Variants in FAM53C observed in about 807,000 individuals in gnomAD.
FAM53C encodes the protein family with sequence similarity 53 member C.
Under a neutral mutation model 34.7 loss-of-function variants are expected in FAM53C, and 10 were observed. The observed-to-expected ratio is 0.29, with a 90% CI of 0.18 to 0.49. The LOEUF is 0.49. Among genes scored for constraint, FAM53C ranks in the 20% least tolerant of loss-of-function variants. FAM53C has a pLI of 0.99. For synonymous variants in FAM53C, 203 were observed against 203.6 expected (o/e 1.00, Z 0.03); for missense variants, 442 against 515.3 (o/e 0.86, Z 1.38).
Position 138,348,585 on chromosome 5 carries a change from C to T in FAM53C, c.*1626C>T, listed in dbSNP as rs1290656370. ...TGTTTTCTTCCTCATGGAATTGAAC[C>T]TGACATTTTCTGGATCTCCTGCATG... On this transcript the variant is annotated 3_prime_UTR_variant, in exon 5 of 5. Coordinates refer to ENST00000239906, the MANE Select transcript of FAM53C (RefSeq NM_016605.3). The T allele has an allele frequency of 6.6e-6, 1 of 152,168 alleles. No individual in the cohort carries two copies. The highest frequency in any genetic ancestry group is 1.5e-5 in the Non-Finnish European group (1 of 68,012). The allele number at this position is 152,168 out of a possible 1,614,324, so 9.4% of individuals were successfully genotyped here. A position where few individuals can be genotyped will look rare whatever the true frequency, so the allele number is the denominator to read the frequency against.
In FAM53C at chr5:138,345,061, G is replaced by A; in HGVS notation, c.373G>A (p.Val125Met). ...KRHCRSLSVPVDLSRWQPVWR... is the reference protein window; with the variant it reads ...KRHCRSLSVPMDLSRWQPVWR... Reference sequence around the variant, plus strand: ...GCACTGCCGCTCACTCTCAGTGCCCGTGGACCTGTCTCGCTGGCAGCCGGT... The same window carrying A: ...GCACTGCCGCTCACTCTCAGTGCCCATGGACCTGTCTCGCTGGCAGCCGGT... Residue 125 changes from valine (V) to methionine (M), a missense_variant, in exon 4 of 5, where the codon GTG (valine) becomes ATG (methionine). By Grantham distance (21) the Val-to-Met change is conservative. Transcript: ENST00000239906. The surrounding 1 kb of genome is among the most constrained non-coding windows in gnomAD (Gnocchi z 6.3). The A allele has an allele frequency of 1.2e-6, 2 of 1,613,946 alleles. No individual in the cohort carries two copies. Among genetic ancestry groups the A allele is most frequent in the Non-Finnish European group, 1.7e-6 (2 of 1,179,886 alleles).
At position 138,349,650 on chromosome 5, in the gene FAM53C, G is replaced by C. The variant is rs766814356; in HGVS notation, c.*2691G>C. On this transcript the variant is annotated 3_prime_UTR_variant, in exon 5 of 5. Transcript: ENST00000239906. ...AAAAGAAAAATCCATAAGTCTGTGT[G>C]TGTTAAACATGAGGTTCTGCCTCTG... The C allele has an allele frequency of 3.9e-5, 6 of 152,334 alleles. No individual in the cohort carries two copies. Among genetic ancestry groups the C allele is most frequent in the Non-Finnish European group, 8.8e-5 (6 of 68,036 alleles). 9.4% of individuals were successfully genotyped at this position (152,334 alleles called of 1,614,324 possible).
At chr5:138,343,478 T>C (rs1761088124) in intron 3 of FAM53C, among the ~76,000 whole-genome samples, 1 of 148,228 alleles carries the variant, frequency 6.7e-6, no homozygotes, top group African/African-American at 2.5e-5. Context: ...CCCACTGCAC[T>C]CCAGCTTGGG....
rs1761193096 is a variant in FAM53C at position 138,346,856 on chromosome 5, A to T, written c.1076A>T (p.Glu359Val). The change falls in exon 5 of 5, where the codon GAG becomes GTG. Residue 359 changes from glutamate (E) to valine (V), a missense_variant. By Grantham distance (121) the Glu-to-Val change is moderately radical. Coordinates refer to ENST00000239906, the MANE Select transcript of FAM53C (RefSeq NM_016605.3). ...CAGGTGCTGAGTGAAAGCGAAGAGG[A>T]GGAGGAGGGGGCTGTGCGGTGGGGT... ...SSQVLSESEE[E>V]EEGAVRWGRQ... 6.2e-7 allele frequency: 1 copy of T among 1,614,076 alleles called. No individual in the cohort carries two copies. Among genetic ancestry groups the T allele is most frequent in the Non-Finnish European group, 8.5e-7 (1 of 1,180,012 alleles).
chr5:138,338,984 C>G (rs1032602057), intron 1 of FAM53C, among the ~76,000 whole-genome samples: 1 of 152,054 alleles, frequency 6.6e-6, no homozygotes, highest in Non-Finnish European at 1.5e-5. Flanking sequence ...TACTGCCATC[C>G]AATAGGAGAT....
chr5:138,341,286 G>A lies in FAM53C; in HGVS notation c.-50G>A, dbSNP rs753586502. On this transcript the variant is annotated 5_prime_UTR_variant, in exon 2 of 5. Coordinates refer to ENST00000239906, the MANE Select transcript of FAM53C (RefSeq NM_016605.3). ...TGAGGTCTGGAAGAACAACAGGGAA[G>A]ACATCCATCATTTGCTCCAAAGTGT... 1.4e-6 allele frequency: 2 copies of A among 1,473,998 alleles called. No individual in the cohort carries two copies. The highest frequency in any genetic ancestry group is 2.3e-5 in the South Asian group (2 of 88,276). The allele number at this position is 1,473,998 out of a possible 1,614,324, so 91.3% of individuals were successfully genotyped here.
chr5:138,347,054 T>C lies in FAM53C; in HGVS notation c.*95T>C. ...CAAGGCTGGGGGCCGAGCCTGGGAA[T>C]GGGGGTGAGTGGAGGGCTCCGACTC... On this transcript the variant is annotated 3_prime_UTR_variant, in exon 5 of 5. Coordinates refer to ENST00000239906, the MANE Select transcript of FAM53C (RefSeq NM_016605.3). 3 of 1,529,644 alleles carry C rather than the reference T, an allele frequency of 2.0e-6. No individual in the cohort carries two copies. Among genetic ancestry groups the C allele is most frequent in the Non-Finnish European group, 2.7e-6 (3 of 1,128,058 alleles). The allele number at this position is 1,529,644 out of a possible 1,614,324, so 94.8% of individuals were successfully genotyped here. A position where few individuals can be genotyped will look rare whatever the true frequency, so the allele number is the denominator to read the frequency against.
chr5:138,339,466 C>A (rs1389317607), intron 1 of FAM53C, among the ~76,000 whole-genome samples: 4 of 152,144 alleles, frequency 2.6e-5, no homozygotes, highest in African/African-American at 9.7e-5. Context: ...AACACAAATT[C>A]ACTGTCTTGA....
At chr5:138,338,893 C>T (rs529745180) in intron 1 of FAM53C, among the ~76,000 whole-genome samples, 1 of 152,244 alleles carries the variant, frequency 6.6e-6, no homozygotes, top group Non-Finnish European at 1.5e-5. Context: ...TTGTGACTCT[C>T]CTCCCTGTTG....
chr5:138,341,934 G>A, intron 3 of FAM53C, 68 bp downstream of exon 3: 1 of 1,522,418 alleles, frequency 6.6e-7, no homozygotes, highest in Non-Finnish European at 9.1e-7. Flanking sequence ...TCTATCATTG[G>A]TTTCCAGTGA....
chr5:138,338,255 A>C (rs1316777885), upstream of FAM53C: 24 of 1,107,274 alleles, frequency 2.2e-5, no homozygotes, highest in Non-Finnish European at 2.6e-5. Context: ...CGTGGGGCGA[A>C]CCGAGCGCTC....
chr5:138,338,608 G>C (rs1376262775), intron 1 of FAM53C, among the ~76,000 whole-genome samples: 1 of 148,186 alleles, frequency 6.7e-6, no homozygotes, highest in Non-Finnish European at 1.5e-5. Flanking sequence ...CCCGCCCCGG[G>C]GACCAGCGGA....
In FAM53C at chr5:138,344,858, C is replaced by T. The variant is rs182534639; in HGVS notation, c.170C>T (p.Ser57Phe). ...GASWRGLPHC[S>F]CAEFQDSLNF... ...TCCTGGAGGGGCCTGCCCCACTGTTCCTGTGCTGAGTTCCAGGACAGCCTC... is the reference window on the plus strand; with the variant it reads ...TCCTGGAGGGGCCTGCCCCACTGTTTCTGTGCTGAGTTCCAGGACAGCCTC... Residue 57 changes from serine (S) to phenylalanine (F), a missense_variant, in exon 4 of 5, where the codon TCC becomes TTC. Ser to Phe is a radical substitution (Grantham distance 155). Transcript: ENST00000239906. 4.4e-6 allele frequency: 7 copies of T among 1,597,286 alleles called. No homozygotes were observed. In the Admixed American group the frequency reaches 5.3e-5, roughly 12 times the overall value.
rs1580861364 is a variant in FAM53C, at chr5:138,347,128, G to A, written c.*169G>A. ...TCCAGCAAGCTCGACCATGCCAAGA[G>A]ACTGGCCGGGACAAGATAAACGGAG... is the stretch of plus-strand genomic sequence containing the variant. On this transcript the variant is annotated 3_prime_UTR_variant, in exon 5 of 5. Coordinates refer to ENST00000239906, the MANE Select transcript of FAM53C (RefSeq NM_016605.3). 2 of 905,578 alleles carry A rather than the reference G, an allele frequency of 2.2e-6. No homozygotes were observed. The highest frequency in any genetic ancestry group is 2.5e-5 in the East Asian group (1 of 39,912). The allele number at this position is 905,578 out of a possible 1,614,324, so 56.1% of individuals were successfully genotyped here.
At chr5:138,346,493 G>A (rs766057615) in intron 4 of FAM53C, among the ~76,000 whole-genome samples, 26 of 152,296 alleles carry the variant, frequency 1.7e-4, no homozygotes, top group Non-Finnish European at 2.8e-4. Context: ...GGCGTGGGCC[G>A]GGCACCTGTA....
chr5:138,341,340 T>C lies in FAM53C; in HGVS notation c.5T>C (p.Ile2Thr). The C allele has an allele frequency of 6.2e-7, 1 of 1,613,906 alleles. No homozygotes were observed. Among genetic ancestry groups the C allele is most frequent in the Non-Finnish European group, 8.5e-7 (1 of 1,179,804 alleles). M[I>T]TLITEQLQKQ... is the part of the protein sequence containing the mutation. ...AGTCAAATCCTGGGGAGAATCATGA[T>C]AACCCTGATCACTGAGCAGCTACAG... The change falls in exon 2 of 5, where the codon ATA becomes ACA. Residue 2 changes from isoleucine to threonine, a missense_variant. Coordinates refer to ENST00000239906, the MANE Select transcript of FAM53C (RefSeq NM_016605.3).
At chr5:138,337,861 C>T (rs985794154), upstream of FAM53C, 2 of 794,390 alleles carry the variant, frequency 2.5e-6, no homozygotes, top group African/African-American at 3.6e-5. Context: ...AGGTGAGGGG[C>T]ACTGTGGCTA....
rs755229152 is a variant in FAM53C, at chr5:138,345,540, G to A, written c.852G>A (p.Gly284=). 4.3e-6 allele frequency: 7 copies of A among 1,613,908 alleles called. No homozygotes were observed. In the Admixed American group the frequency reaches 1.0e-4, roughly 23 times the overall value. The change falls in exon 4 of 5, where the codon GGG becomes GGA. Residue 284 remains glycine, a synonymous_variant. Coordinates refer to ENST00000239906, the MANE Select transcript of FAM53C (RefSeq NM_016605.3). This position sits in a 1 kb window ranked among gnomAD's most constrained non-coding sequence, Gnocchi z 6.3. ...QPCDLDARKT[G]VKRRHEEDPR... is the part of the protein sequence containing the mutation. ...GTGATCTGGATGCCCGCAAAACTGG[G>A]GTCAAGCGGCGCCACGAGGAAGACC...
chr5:138,340,678 A>G (rs1175718299), intron 1 of FAM53C, among the ~76,000 whole-genome samples: 1 of 152,258 alleles, frequency 6.6e-6, no homozygotes, highest in Non-Finnish European at 1.5e-5. Context: ...ACAATAATAT[A>G]TCAGATGTTT....
Sources: allele counts gnomAD v4.1 joint callset (sites outside exome capture counted in the v4.1 genomes callset), GRCh38; gene constraint gnomAD v4.1.1; non-coding constraint Gnocchi (gnomAD v3.1); transcripts MANE v1.5; gene names NCBI Gene and HGNC (gene_info 2026-07-23, HGNC 2026-07-21).